Variants in ATP10B observed in about 807,000 individuals in gnomAD.
The protein encoded by ATP10B is ATPase phospholipid transporting 10B (putative).
A neutral mutation model predicts 141.2 loss-of-function variants in ATP10B; 122 were observed. The ratio of observed to expected loss-of-function variants is 0.86; its 90% CI spans 0.75 to 1.00. The LOEUF is 1.00. ATP10B is among the 50% of genes least tolerant of loss of function. The pLI is 0.00. For synonymous variants in ATP10B, 685 were observed against 692.0 expected (o/e 0.99, Z 0.16); for missense variants, 1,876 against 1,825.3 (o/e 1.03, Z -0.51).
chr5:160,736,102 CA>C (rs576438713), intron 2 of ATP10B, among the ~76,000 whole-genome samples: 3 of 151,896 alleles, frequency 2.0e-5, no homozygotes, highest in South Asian at 4.2e-4. Flanking sequence ...AAACCAAACC[CA>C]AAATTAGTCG....
intron 25 of ATP10B, among the ~76,000 whole-genome samples, chr5:160,566,169 T>C (rs1754525483): frequency 6.6e-6 from 1 of 152,220 alleles, no homozygotes; most frequent in South Asian, 2.1e-4. Flanking sequence ...CAATCTCATG[T>C]GGTTATTACT....
chr5:160,750,137 G>A (rs981335939), intron 2 of ATP10B, among the ~76,000 whole-genome samples: 10 of 152,164 alleles, frequency 6.6e-5, no homozygotes, highest in African/African-American at 1.2e-4. Context: ...TTGCTCTTAC[G>A]TACCCCATAT....
the ATP10B span, among the ~76,000 whole-genome samples, chr5:160,874,115 C>T: frequency 6.6e-6 from 1 of 152,124 alleles, no homozygotes. Context: ...GCAGTAACCT[C>T]TGCAGACTTA....
chr5:160,780,808 G>A (rs895059125), intron 2 of ATP10B, among the ~76,000 whole-genome samples: 19 of 152,102 alleles, frequency 1.2e-4, no homozygotes, highest in African/African-American at 4.3e-4. Flanking sequence ...TTCTAGGGAG[G>A]CTTTTTCCTT....
intron 2 of ATP10B, among the ~76,000 whole-genome samples, chr5:160,778,130 G>C (rs1189282256): frequency 6.6e-6 from 1 of 152,148 alleles, no homozygotes; most frequent in Non-Finnish European, 1.5e-5. Context: ...TATTCATAAT[G>C]CATTAAACAT....
chr5:160,854,579 G>A (rs55654454), upstream of ATP10B, among the ~76,000 whole-genome samples: 6 of 151,960 alleles, frequency 3.9e-5, no homozygotes, highest in African/African-American at 1.2e-4. Flanking sequence ...TCATTGATGG[G>A]CATTTAGGTT....
At chr5:160,812,006 GACAGAGACAGAGAC>G (rs1773187912) in intron 1 of ATP10B, among the ~76,000 whole-genome samples, 2 of 77,934 alleles carry the variant, frequency 2.6e-5, no homozygotes, top group African/African-American at 7.4e-5. Context: ...GAGAGACAGA[GACAGAGACAGAGAC>G]AGAGAGAGAG....
chr5:160,634,377 C>T lies in ATP10B; in HGVS notation c.1358G>A (p.Ser453Asn), dbSNP rs1184535553. The T allele has an allele frequency of 1.2e-6, 2 of 1,614,188 alleles. No homozygotes were observed. Among genetic ancestry groups the T allele is most frequent in the Non-Finnish European group, 1.7e-6 (2 of 1,180,020 alleles). The change falls in exon 12 of 26, where the codon AGC (serine) becomes AAC (asparagine). Residue 453 changes from serine (S) to asparagine (N), a missense_variant. By Grantham distance (46) the Ser-to-Asn change is conservative (BLOSUM62 1). Transcript: ENST00000327245. Reference sequence around the variant, plus strand: ...ACCATTTTCTTGGTGAGAATACTCGCTGCCCATGATGGTGCAACGTCGGAA... The same window carrying T: ...ACCATTTTCTTGGTGAGAATACTCGTTGCCCATGATGGTGCAACGTCGGAA... ...MVFRRCTIMGSEYSHQENAKR... is the reference protein window; with the variant it reads ...MVFRRCTIMGNEYSHQENAKR...
At chr5:160,587,390 A>G (rs973890626) in intron 24 of ATP10B, among the ~76,000 whole-genome samples, 5 of 151,892 alleles carry the variant, frequency 3.3e-5, no homozygotes, top group Non-Finnish European at 7.4e-5. Context: ...TGTTCTTTTT[A>G]CTTAGGATTT....
At chr5:160,592,253 G>C (rs551008897) in intron 22 of ATP10B, among the ~76,000 whole-genome samples, 2 of 152,288 alleles carry the variant, frequency 1.3e-5, no homozygotes, top group East Asian at 3.9e-4. Context: ...CTTACCCAAT[G>C]AAAAGCAAAG....
chr5:160,849,250 A>G (rs1439174523), intron 1 of ATP10B, among the ~76,000 whole-genome samples: 1 of 152,174 alleles, frequency 6.6e-6, no homozygotes, highest in Non-Finnish European at 1.5e-5. Flanking sequence ...TGAGGCAAAG[A>G]AACAATGTAT....
chr5:160,590,504 A>T (rs1478277974), intron 23 of ATP10B, among the ~76,000 whole-genome samples: 1 of 152,184 alleles, frequency 6.6e-6, no homozygotes, highest in Non-Finnish European at 1.5e-5. Flanking sequence ...CTCACTATTT[A>T]AACTGAGGAA....
chr5:160,809,022 A>G (rs1772969532), intron 1 of ATP10B, among the ~76,000 whole-genome samples: 1 of 152,156 alleles, frequency 6.6e-6, no homozygotes, highest in Admixed American at 6.5e-5. Context: ...TCATGTTTAC[A>G]TGGTGTTCTA....
chr5:160,853,580 A>G (rs1455800410), upstream of ATP10B, among the ~76,000 whole-genome samples: 1 of 152,160 alleles, frequency 6.6e-6, no homozygotes, highest in Non-Finnish European at 1.5e-5. Flanking sequence ...GTAAAGAGAG[A>G]GGCACATGCA....
intron 6 of ATP10B, among the ~76,000 whole-genome samples, chr5:160,673,019 G>T (rs759508061): frequency 6.6e-6 from 1 of 152,218 alleles, no homozygotes; most frequent in Non-Finnish European, 1.5e-5. Flanking sequence ...CATTGGAATT[G>T]GGGAGCAACT....
intron 20 of ATP10B, 89 bp downstream of exon 20, chr5:160,603,876 C>A: frequency 8.6e-7 from 1 of 1,156,986 alleles, no homozygotes; most frequent in South Asian, 1.3e-5. Flanking sequence ...GGTGGAAGTT[C>A]TCAGGGAGAA....
At chr5:160,618,066 A>G in intron 15 of ATP10B, 93 bp from the exon 16 acceptor site, 1 of 999,368 alleles carries the variant, frequency 1.0e-6, no homozygotes, top group South Asian at 1.3e-5. Context: ...GTAGACTACA[A>G]ATACTTTAGA....
the ATP10B span, among the ~76,000 whole-genome samples, chr5:160,927,399 G>A: frequency 6.6e-6 from 1 of 152,130 alleles, no homozygotes; most frequent in African/African-American, 2.4e-5. Flanking sequence ...TTTGAAGACT[G>A]GTCAGCAGAG....
At chr5:160,661,831 A>G (rs963587703) in intron 7 of ATP10B, among the ~76,000 whole-genome samples, 1 of 152,126 alleles carries the variant, frequency 6.6e-6, no homozygotes, top group Non-Finnish European at 1.5e-5. Flanking sequence ...TAAAGGGCAT[A>G]CAATTAGGAA....
Sources: allele counts gnomAD v4.1 joint callset (sites outside exome capture counted in the v4.1 genomes callset), GRCh38; gene constraint gnomAD v4.1.1; transcripts MANE v1.5; gene names NCBI Gene and HGNC (gene_info 2026-07-23, HGNC 2026-07-21).